The following CEP112 variants were observed in gnomAD, a reference collection of about 807,000 sequenced individuals.
CEP112 encodes centrosomal protein of 112 kDa.
In CEP112, 127 loss-of-function variants were observed where a neutral mutation model predicts 153.0. The ratio of observed to expected loss-of-function variants is 0.83; its 90% CI spans 0.72 to 0.96. The LOEUF (loss-of-function observed/expected upper bound fraction) is 0.96, where lower values mean the gene tolerates loss of function less well. Among genes scored for constraint, CEP112 ranks in the 40% least tolerant of loss-of-function variants. CEP112 has a pLI of 0.00. For synonymous variants in CEP112, 358 were observed against 374.4 expected (o/e 0.96, Z 0.51); for missense variants, 1,089 against 1,101.2 (o/e 0.99, Z 0.16).
intron 8 of CEP112, among the ~76,000 whole-genome samples, chr17:66,086,827 A>G (rs920037339): frequency 2.0e-5 from 3 of 152,282 alleles, no homozygotes; most frequent in African/African-American, 7.2e-5. Context: ...CCCTCCTTAC[A>G]TATGTCTCTA....
chr17:65,744,372 G>T (rs1446695448), intron 22 of CEP112, among the ~76,000 whole-genome samples: 1 of 152,124 alleles, frequency 6.6e-6, no homozygotes, highest in Non-Finnish European at 1.5e-5. Flanking sequence ...TCCTGCCTCA[G>T]CCTCCTGAGT....
intron 5 of CEP112, among the ~76,000 whole-genome samples, chr17:66,130,037 G>C (rs1200634550): frequency 6.6e-6 from 1 of 151,944 alleles, no homozygotes; most frequent in Non-Finnish European, 1.5e-5. Context: ...AGTGGGACGG[G>C]AGGGAGAAAA....
intron 24 of CEP112, among the ~76,000 whole-genome samples, chr17:65,662,117 C>A (rs1339200653): frequency 6.6e-6 from 1 of 152,092 alleles, no homozygotes. Context: ...CACAGGTGGG[C>A]ACCACCACGC....
intron 20 of CEP112, among the ~76,000 whole-genome samples, chr17:65,890,334 C>A (rs1371033152): frequency 1.3e-5 from 2 of 152,182 alleles, no homozygotes; most frequent in African/African-American, 4.8e-5. Flanking sequence ...ACGTGTTCTT[C>A]ATATATTAAT....
intron 17 of CEP112, among the ~76,000 whole-genome samples, chr17:65,987,616 A>T (rs1444172131): frequency 6.6e-6 from 1 of 152,174 alleles, no homozygotes; most frequent in Non-Finnish European, 1.5e-5. Flanking sequence ...AGCTGGCTTC[A>T]CTCTCCCACA....
At chr17:66,004,821 G>A (rs1334988780) in intron 17 of CEP112, among the ~76,000 whole-genome samples, 1 of 152,148 alleles carries the variant, frequency 6.6e-6, no homozygotes, top group Non-Finnish European at 1.5e-5. Context: ...ATTCTTATTT[G>A]CAGGTTTAGG....
intron 21 of CEP112, among the ~76,000 whole-genome samples, chr17:65,808,300 A>T (rs1436693153): frequency 6.6e-6 from 1 of 152,044 alleles, no homozygotes; most frequent in Non-Finnish European, 1.5e-5. Context: ...CTTGTTTCTG[A>T]TTTTACAGGC....
intron 24 of CEP112, among the ~76,000 whole-genome samples, chr17:65,680,312 A>G (rs1040369867): frequency 6.6e-6 from 1 of 152,242 alleles, no homozygotes; most frequent in Admixed American, 6.5e-5. Context: ...ATAAAAGTCT[A>G]GACAAGAATA....
chr17:66,089,524 A>T (rs1423976397), intron 8 of CEP112, among the ~76,000 whole-genome samples: 1 of 152,200 alleles, frequency 6.6e-6, no homozygotes, highest in Admixed American at 6.5e-5. Context: ...GCTGCAAAAT[A>T]TAACGAATGA....
intron 17 of CEP112, among the ~76,000 whole-genome samples, chr17:65,970,066 T>C (rs1410929812): frequency 2.0e-5 from 3 of 152,228 alleles, no homozygotes; most frequent in Non-Finnish European, 2.9e-5. Flanking sequence ...CACATGTGTA[T>C]TGCAAACATG....
At chr17:66,085,786 G>A (rs893089916) in intron 8 of CEP112, among the ~76,000 whole-genome samples, 8 of 152,082 alleles carry the variant, frequency 5.3e-5, no homozygotes, top group African/African-American at 1.9e-4. Flanking sequence ...AGACCAGCCT[G>A]ACCAACCTGG....
intron 23 of CEP112, among the ~76,000 whole-genome samples, chr17:65,741,051 C>T (rs796917455): frequency 6.6e-6 from 1 of 152,216 alleles, no homozygotes; most frequent in African/African-American, 2.4e-5. Context: ...CTTGAAACTG[C>T]CTCTGCCAAC....
At chr17:65,825,485 C>T (rs1310531235) in intron 21 of CEP112, among the ~76,000 whole-genome samples, 1 of 152,088 alleles carries the variant, frequency 6.6e-6, no homozygotes, top group Non-Finnish European at 1.5e-5. Flanking sequence ...GACCCCTGCC[C>T]TAGAGCATCA....
chr17:65,720,185 A>C (rs1466602763), intron 23 of CEP112, among the ~76,000 whole-genome samples: 1 of 152,152 alleles, frequency 6.6e-6, no homozygotes, highest in Non-Finnish European at 1.5e-5. Flanking sequence ...GGGTTCAGAT[A>C]ATTATTTCCA....
intron 20 of CEP112, among the ~76,000 whole-genome samples, chr17:65,860,980 G>T (rs909950691): frequency 6.6e-6 from 1 of 152,172 alleles, no homozygotes; most frequent in African/African-American, 2.4e-5. Flanking sequence ...TTGAAAACAC[G>T]CTGAGTGAAG....
chr17:66,021,733 G>A (rs952796301), intron 16 of CEP112, among the ~76,000 whole-genome samples: 1 of 152,160 alleles, frequency 6.6e-6, no homozygotes, highest in African/African-American at 2.4e-5. Flanking sequence ...GCTGGTGCTT[G>A]TGCCTACTGT....
intron 20 of CEP112, among the ~76,000 whole-genome samples, chr17:65,856,089 A>AAT (rs765650349): frequency 7.2e-5 from 11 of 152,104 alleles, no homozygotes; most frequent in East Asian, 3.8e-4. Context: ...TACAAATAGT[A>AAT]ATATATATAT....
intron 23 of CEP112, among the ~76,000 whole-genome samples, chr17:65,729,314 A>G (rs964962990): frequency 1.3e-5 from 2 of 152,162 alleles, no homozygotes; most frequent in African/African-American, 4.8e-5. Context: ...ACCATCATCT[A>G]TGTAGTCCAT....
intron 21 of CEP112, among the ~76,000 whole-genome samples, chr17:65,756,323 T>C (rs1173270549): frequency 7.1e-6 from 1 of 140,380 alleles, no homozygotes; most frequent in East Asian, 2.1e-4. Context: ...GAATAATCAC[T>C]GGAACCTGGG....
Sources: allele counts gnomAD v4.1 joint callset (sites outside exome capture counted in the v4.1 genomes callset), GRCh38; gene constraint gnomAD v4.1.1; transcripts MANE v1.5; gene names NCBI Gene and HGNC (gene_info 2026-07-23, HGNC 2026-07-21).